GPM6A: variants seen among roughly 807,000 people sequenced by gnomAD.
GPM6A encodes neuronal membrane glycoprotein M6-a.
In GPM6A, 7 loss-of-function variants were observed where a neutral mutation model predicts 32.1. The ratio of observed to expected loss-of-function variants is 0.22; its 90% CI spans 0.12 to 0.41. The LOEUF (loss-of-function observed/expected upper bound fraction) is 0.41. Among genes scored for constraint, GPM6A ranks in the 10% least tolerant of loss-of-function variants. The pLI, the probability that GPM6A is intolerant of heterozygous loss-of-function variation, is 1.00. For missense variants in GPM6A, 235 were observed against 347.2 expected (o/e 0.68, Z 2.57); for synonymous variants, 130 against 123.4 (o/e 1.05, Z -0.35).
chr4:175,802,724 T>C lies in GPM6A; in HGVS notation c.37+9467A>G, dbSNP rs937975206. Among the ~76,000 whole-genome samples, 8 of 152,122 alleles carry C rather than the reference T, an allele frequency of 5.3e-5. No individual in the cohort carries two copies. The South Asian group carries it at 1.7e-3, about 31-fold the overall frequency. Reference sequence around the variant, plus strand: ...GCCTAGTGTCAGCAAATTTGTAAACTACTTTGTTAAATTTTAACAGCGTAT... The same window carrying C: ...GCCTAGTGTCAGCAAATTTGTAAACCACTTTGTTAAATTTTAACAGCGTAT... On this transcript the variant is annotated intron_variant, in intron 1 of 6. Transcript: ENST00000393658.
chr4:175,940,953 A>G (rs1237970725), intron 1 of GPM6A, among the ~76,000 whole-genome samples: 3 of 152,256 alleles, frequency 2.0e-5, no homozygotes, highest in African/African-American at 7.2e-5. Context: ...AAATACTGAA[A>G]TAGGAGCTAA....
intron 1 of GPM6A, among the ~76,000 whole-genome samples, chr4:175,937,809 TA>T (rs1739287735): frequency 6.6e-6 from 1 of 152,056 alleles, no homozygotes; most frequent in African/African-American, 2.4e-5. Context: ...AATATTAAAG[TA>T]AAAACACAAA....
chr4:175,941,785 T>A (rs1739420902), intron 1 of GPM6A, among the ~76,000 whole-genome samples: 1 of 152,240 alleles, frequency 6.6e-6, no homozygotes, highest in South Asian at 2.1e-4. Context: ...AGTCTGTCAC[T>A]GATGGGCATT....
At chr4:175,762,178 C>G (rs1023634814) in intron 1 of GPM6A, among the ~76,000 whole-genome samples, 1 of 152,174 alleles carries the variant, frequency 6.6e-6, no homozygotes, top group Admixed American at 6.5e-5. Flanking sequence ...TTCCCTTGGT[C>G]ATTCTACGCT....
At chr4:175,738,649 TG>T (rs1731759690) in intron 1 of GPM6A, among the ~76,000 whole-genome samples, 1 of 151,866 alleles carries the variant, frequency 6.6e-6, no homozygotes, top group African/African-American at 2.4e-5. Context: ...GATTTAAGGA[TG>T]AAAAAAAATT....
chr4:175,962,110 C>A (rs566930276), intron 1 of GPM6A: 2 of 756,064 alleles, frequency 2.6e-6, no homozygotes, highest in Admixed American at 3.5e-5. Context: ...GTAGCCCATG[C>A]TGTGCACCAT....
intron 1 of GPM6A, among the ~76,000 whole-genome samples, chr4:175,731,517 C>T (rs1214475884): frequency 1.3e-5 from 2 of 151,936 alleles, no homozygotes; most frequent in African/African-American, 4.8e-5. Context: ...CAGGTTTTTG[C>T]TCAGTGTCCT....
intron 1 of GPM6A, among the ~76,000 whole-genome samples, chr4:175,837,572 T>A (rs1247898862): frequency 6.6e-6 from 1 of 152,062 alleles, no homozygotes; most frequent in East Asian, 1.9e-4. Flanking sequence ...TTGAAGACCA[T>A]ACTGATAGAA....
chr4:175,901,945 GTTAAA>G (rs1737982023), intron 1 of GPM6A, among the ~76,000 whole-genome samples: 1 of 151,872 alleles, frequency 6.6e-6, no homozygotes, highest in Non-Finnish European at 1.5e-5. Flanking sequence ...TTCTTAAAAA[GTTAAA>G]TTAAAGGGTA....
rs1735572774 is a variant in GPM6A at position 175,830,404 on chromosome 4, T to TA, written c.-22-18156dup. Among the ~76,000 whole-genome samples the TA allele has an allele frequency of 5.9e-5, 9 of 152,284 alleles. No homozygotes were observed. In the South Asian group the frequency reaches 1.9e-3, roughly 32 times the overall value. On this transcript the variant is annotated intron_variant, in intron 1 of 7. Transcript: ENST00000280187. ...ATAACTATGTAGGCCAAAGTGTATA[T>TA]AAAATAATGATGATGTAATAATAGT...
At chr4:175,659,660 A>C (rs1742289645) in intron 3 of GPM6A, among the ~76,000 whole-genome samples, 1 of 152,362 alleles carries the variant, frequency 6.6e-6, no homozygotes, top group African/African-American at 2.4e-5. Context: ...TAAGTTTATC[A>C]TGTCATATTA....
At chr4:175,723,270 G>A (rs894839014) in intron 1 of GPM6A, among the ~76,000 whole-genome samples, 2 of 152,144 alleles carry the variant, frequency 1.3e-5, no homozygotes, top group Non-Finnish European at 2.9e-5. Flanking sequence ...ACCATCTCAG[G>A]ACTAGGAAGC....
At chr4:175,793,238 T>C (rs1173518738) in intron 1 of GPM6A, among the ~76,000 whole-genome samples, 1 of 152,232 alleles carries the variant, frequency 6.6e-6, no homozygotes, top group Non-Finnish European at 1.5e-5. Context: ...ACAATATGAA[T>C]GCTCTTACTC....
chr4:176,000,960 C>T (rs867776450), intron 1 of GPM6A, among the ~76,000 whole-genome samples: 1 of 152,198 alleles, frequency 6.6e-6, no homozygotes, highest in African/African-American at 2.4e-5. Flanking sequence ...ATTTCCAACA[C>T]TGTTTATACA....
intron 1 of GPM6A, among the ~76,000 whole-genome samples, chr4:175,917,277 C>T (rs559724703): frequency 3.0e-4 from 46 of 152,058 alleles, no homozygotes; most frequent in African/African-American, 1.0e-3. Flanking sequence ...TTTTTTTAAT[C>T]TTTAAGCATC....
chr4:175,851,149 G>A (rs1481862246), intron 1 of GPM6A, among the ~76,000 whole-genome samples: 1 of 151,992 alleles, frequency 6.6e-6, no homozygotes, highest in Non-Finnish European at 1.5e-5. Context: ...ACAAGGTCAG[G>A]AGTTTGAGAC....
chr4:175,697,984 C>G (rs928423643), intron 2 of GPM6A, among the ~76,000 whole-genome samples: 1 of 152,104 alleles, frequency 6.6e-6, no homozygotes, highest in African/African-American at 2.4e-5. Flanking sequence ...AATAGTCACA[C>G]GTCATTGCGT....
intron 1 of GPM6A, among the ~76,000 whole-genome samples, chr4:175,789,831 T>C (rs1365283414): frequency 1.3e-5 from 2 of 152,208 alleles, no homozygotes; most frequent in East Asian, 3.8e-4. Flanking sequence ...GCTGTTCCTG[T>C]GTGCCAATGT....
intron 1 of GPM6A, among the ~76,000 whole-genome samples, chr4:175,750,054 G>A (rs1233560015): frequency 6.6e-6 from 1 of 151,972 alleles, no homozygotes. Flanking sequence ...TTTATTCGAA[G>A]TGAACCTATT....
Sources: gnomAD v4.1 joint callset for allele counts (sites outside exome capture counted in the v4.1 genomes callset) on GRCh38, gnomAD v4.1.1 for gene constraint, MANE v1.5 for transcripts, NCBI Gene and HGNC (gene_info 2026-07-23, HGNC 2026-07-21) for gene names.